Variants in SHISA9 observed in about 807,000 individuals in gnomAD.
The protein encoded by SHISA9 is shisa family member 9.
SHISA9 carries 13 observed loss-of-function variants against 38.0 expected under a neutral mutation model. That is an observed-to-expected ratio of 0.34 (90% CI 0.22 to 0.54). SHISA9 has a LOEUF of 0.54. SHISA9 is among the 20% of genes least tolerant of loss of function. The probability of loss-of-function intolerance (pLI) is 0.91; values close to 1 mark genes in which losing one functional copy is unlikely to be tolerated. For synonymous variants in SHISA9, 275 were observed against 242.0 expected (o/e 1.14, Z -1.27); for missense variants, 538 against 575.8 (o/e 0.93, Z 0.67).
At chr16:13,281,606 T>C in the SHISA9 span, among the ~76,000 whole-genome samples, 21 of 151,478 alleles carry the variant, frequency 1.4e-4, no homozygotes, top group African/African-American at 4.8e-4. Flanking sequence ...TTTAAATGTC[T>C]TTTAGCAATT....
rs143168972 is a variant in SHISA9, at chr16:13,121,215, A to G, written c.692-82179A>G. On this transcript the variant is annotated intron_variant, in intron 2 of 4. Coordinates refer to ENST00000558583, the MANE Select transcript of SHISA9 (RefSeq NM_001145204.3). The stretch of plus-strand genomic sequence containing the variant: ...ATAAATAAAATAATCTGGGCTGGGC[A>G]TGGTGGCTCACGCCCGTAATCACAG... Among the ~76,000 whole-genome samples the G allele has an allele frequency of 5.6e-3, 859 of 152,262 alleles. 10 individuals are homozygous for G. Among genetic ancestry groups the G allele is most frequent in the African/African-American group, 0.018 (747 of 41,550 alleles).
the SHISA9 span, among the ~76,000 whole-genome samples, chr16:13,439,225 G>A: frequency 2.0e-5 from 3 of 152,194 alleles, no homozygotes; most frequent in Non-Finnish European, 4.4e-5. Flanking sequence ...GGGCCAGGGG[G>A]AGAAGGACGT....
intron 2 of SHISA9, among the ~76,000 whole-genome samples, chr16:13,003,883 TAATAATAAGAAGAAG>T (rs1271272033): frequency 1.4e-5 from 2 of 147,140 alleles, no homozygotes; most frequent in Non-Finnish European, 3.0e-5. Context: ...ATAATAATAA[TAATAATAAGAAGAAG>T]AAGAAGAAGA....
the SHISA9 span, among the ~76,000 whole-genome samples, chr16:13,338,497 A>C: frequency 0.36 from 55,240 of 152,052 alleles, 11,157 homozygotes; most frequent in African/African-American, 0.55. Context: ...TAGGAAGAGG[A>C]GACATCATAG....
At chr16:13,082,266 T>A (rs1364163033) in intron 2 of SHISA9, 1 of 152,232 alleles carries the variant, frequency 6.6e-6, no homozygotes, top group Non-Finnish European at 1.5e-5. Flanking sequence ...CTGGCTTAAA[T>A]AATTTATGCA....
intron 2 of SHISA9, among the ~76,000 whole-genome samples, chr16:12,962,900 G>A (rs529753180): frequency 4.3e-4 from 65 of 152,224 alleles, no homozygotes; most frequent in Non-Finnish European, 7.8e-4. Context: ...CTTCTTTCAG[G>A]GCCTGGCCTC....
chr16:13,146,125 G>C lies in SHISA9; in HGVS notation c.692-57269G>C, dbSNP rs148116693. Among the ~76,000 whole-genome samples, 996 of 152,326 alleles carry C rather than the reference G, an allele frequency of 6.5e-3. 2 individuals carry two copies. The highest frequency in any genetic ancestry group is 0.01 in the Non-Finnish European group (695 of 68,030). On this transcript the variant is annotated intron_variant, in intron 2 of 4. Transcript: ENST00000558583. ...ATTTCCCTTGAACCCGGGAGGGGAA[G>C]GTTGCAGTGAGCCGAGATTGCACCA...
chr16:13,019,936 T>TCC lies in SHISA9; in HGVS notation c.691+103121_691+103122insCC, dbSNP rs1567184198. On this transcript the variant is annotated intron_variant, in intron 2 of 4. Coordinates refer to ENST00000558583, the MANE Select transcript of SHISA9 (RefSeq NM_001145204.3). ...CTTTCTTTCTTTCTTTCTTTCTTTC[T>TCC]TTCTTTCTTTCTTTCTTTCTTTCCC... Among the ~76,000 whole-genome samples the TCC allele has an allele frequency of 6.1e-4, 52 of 85,658 alleles. 1 individual carries two copies. The highest frequency in any genetic ancestry group is 1.1e-3 in the Non-Finnish European group (42 of 36,914). The allele number at this position is 85,658 out of a possible 152,430, so 56.2% of individuals were successfully genotyped here. A position where few individuals can be genotyped will look rare whatever the true frequency, so the allele number is the denominator to read the frequency against.
the SHISA9 span, among the ~76,000 whole-genome samples, chr16:13,267,513 G>A: frequency 1.3e-4 from 20 of 152,096 alleles, no homozygotes; most frequent in Non-Finnish European, 2.2e-4. Flanking sequence ...AAAAAGATCC[G>A]TGCTTCTTAA....
intron 2 of SHISA9, among the ~76,000 whole-genome samples, chr16:12,967,577 AAAAT>A (rs1015725160): frequency 1.3e-5 from 2 of 152,000 alleles, no homozygotes; most frequent in African/African-American, 4.8e-5. Flanking sequence ...ATAAAAATAA[AAAAT>A]AAATAAATAT....
intron 2 of SHISA9, among the ~76,000 whole-genome samples, chr16:12,962,829 C>A (rs1313727940): frequency 6.6e-6 from 1 of 152,208 alleles, no homozygotes; most frequent in African/African-American, 2.4e-5. Flanking sequence ...AAGTTACATC[C>A]CCCTTCCTAG....
intron 1 of SHISA9, among the ~76,000 whole-genome samples, chr16:12,904,038 T>C (rs928880773): frequency 6.6e-6 from 1 of 152,112 alleles, no homozygotes; most frequent in Non-Finnish European, 1.5e-5. Context: ...TGGTGGGGTC[T>C]TGCTGCACAG....
At chr16:13,213,428 GC>G (rs1208046655) in intron 4 of SHISA9, 128 bp downstream of exon 4, 1 of 797,976 alleles carries the variant, frequency 1.3e-6, no homozygotes, top group Non-Finnish European at 2.0e-6. Context: ...GGTGGCATCT[GC>G]AAGTCCGTCT....
chr16:13,103,405 C>T (rs1008268825), intron 2 of SHISA9, among the ~76,000 whole-genome samples: 2 of 152,282 alleles, frequency 1.3e-5, no homozygotes. Context: ...AATTATTGCA[C>T]ATTTGAGGTC....
chr16:13,027,604 C>T (rs567956406), intron 2 of SHISA9, among the ~76,000 whole-genome samples: 3 of 152,090 alleles, frequency 2.0e-5, no homozygotes, highest in South Asian at 2.1e-4. Flanking sequence ...GAATAATTCT[C>T]GGCAATAAAA....
At chr16:13,138,724 T>A (rs1019656971) in intron 2 of SHISA9, among the ~76,000 whole-genome samples, 2 of 152,240 alleles carry the variant, frequency 1.3e-5, no homozygotes, top group Non-Finnish European at 1.5e-5. Flanking sequence ...TATCATCTCT[T>A]GTTCACATGC....
intron 2 of SHISA9, among the ~76,000 whole-genome samples, chr16:13,026,711 C>T (rs1458872786): frequency 6.6e-6 from 1 of 152,200 alleles, no homozygotes; most frequent in Non-Finnish European, 1.5e-5. Context: ...CCTCCTCAAG[C>T]CCTACTTTTC....
At chr16:13,442,538 C>T in the SHISA9 span, among the ~76,000 whole-genome samples, 1 of 152,184 alleles carries the variant, frequency 6.6e-6, no homozygotes, top group South Asian at 2.1e-4. Context: ...GAACTGACTT[C>T]AGGTGATCCG....
chr16:13,167,357 C>G (rs1401800944), intron 2 of SHISA9, among the ~76,000 whole-genome samples: 2 of 152,156 alleles, frequency 1.3e-5, no homozygotes, highest in African/African-American at 2.4e-5. Flanking sequence ...CAGGCGTGAG[C>G]CAGTGCACCC....
Sources: allele counts gnomAD v4.1 joint callset (sites outside exome capture counted in the v4.1 genomes callset), GRCh38; gene constraint gnomAD v4.1.1; transcripts MANE v1.5; gene names NCBI Gene and HGNC (gene_info 2026-07-23, HGNC 2026-07-21).